Variants in ARHGAP35 observed in about 807,000 individuals in gnomAD.
ARHGAP35 encodes Rho GTPase activating protein 35, also known as rho GTPase-activating protein 35.
In ARHGAP35, 15 loss-of-function variants were observed where a neutral mutation model predicts 111.1. The ratio of observed to expected loss-of-function variants is 0.13; its 90% confidence interval spans 0.09 to 0.21. The LOEUF is 0.21. Among genes scored for constraint, ARHGAP35 ranks in the 10% least tolerant of loss-of-function variants. The probability of loss-of-function intolerance (pLI) is 1.00; values close to 1 mark genes in which losing one functional copy is unlikely to be tolerated. For synonymous variants in ARHGAP35, 643 were observed against 710.3 expected (o/e 0.91, Z 1.51); for missense variants, 1,262 against 1,873.0 (o/e 0.67, Z 6.02).
At chr19:46,997,413 C>T (rs977257042) in intron 5 of ARHGAP35, 1 of 152,226 alleles carries the variant, frequency 6.6e-6, no homozygotes, top group African/African-American at 2.4e-5. Context: ...TGCGGCCTCC[C>T]TTCCCCACAG....
intron 3 of ARHGAP35, among the ~76,000 whole-genome samples, chr19:46,939,250 C>T (rs1472002235): frequency 6.6e-6 from 1 of 152,058 alleles, no homozygotes; most frequent in Non-Finnish European, 1.5e-5. Context: ...CCTGGGATTA[C>T]AGGCGTGAGC....
rs11548675 is a variant in ARHGAP35 at position 46,937,288 on chromosome 19, T to G, written c.3706T>G (p.Ser1236Ala). The G allele has an allele frequency of 1.8e-5, 29 of 1,613,762 alleles. No individual in the cohort carries two copies. The Middle Eastern group carries it at 6.6e-4, about 37-fold the overall frequency. The part of the protein sequence containing the change: ...TKKPKPKPRP[S>A]ITKATWESNY... ...GAAACCAAAGCCCAAACCCCGGCCATCCATCACAAAGGCAACCTGGGAGAG... is the reference window on the plus strand; with the variant it reads ...GAAACCAAAGCCCAAACCCCGGCCAGCCATCACAAAGGCAACCTGGGAGAG... Residue 1236 changes from serine to alanine, a missense_variant, in exon 3 of 7, where the codon TCC becomes GCC. This residue lies in a region of ARHGAP35 where 579 missense variants were observed against 716.9 expected (regional missense o/e 0.81). Coordinates refer to ENST00000672722, the MANE Select transcript of ARHGAP35 (RefSeq NM_004491.5).
At chr19:46,915,929 C>CT (rs869240851) in intron 1 of ARHGAP35, among the ~76,000 whole-genome samples, 2,606 of 113,506 alleles carry the variant, frequency 0.023, 86 homozygotes, top group East Asian at 0.066. Context: ...AATCCAAACT[C>CT]TTTTTTTTTT....
In ARHGAP35 at chr19:46,992,321, G is replaced by A. The variant is rs1396479574; in HGVS notation, c.4036+2646G>A. 6.6e-6 allele frequency among the ~76,000 whole-genome samples: 1 copy of A among 152,198 alleles called. No homozygotes were observed. Among genetic ancestry groups the A allele is most frequent in the Non-Finnish European group, 1.5e-5 (1 of 68,048 alleles). ...GGCAAGCCGGGGCTTGAGTCCCTGC[G>A]TACGTGGGTGCAAATGAAGTTCTCT... is the stretch of plus-strand genomic sequence containing the variant. On this transcript the variant is annotated intron_variant, in intron 5 of 6. Coordinates refer to ENST00000672722, the MANE Select transcript of ARHGAP35 (RefSeq NM_004491.5). The surrounding 1 kb of genome is among the most constrained non-coding windows in gnomAD (Gnocchi z 4.4).
chr19:46,895,340 A>G lies in ARHGAP35; in HGVS notation c.-188-23148A>G, dbSNP rs2056048398. On this transcript the variant is annotated intron_variant, in intron 1 of 6. Coordinates refer to ENST00000672722, the MANE Select transcript of ARHGAP35 (RefSeq NM_004491.5). Reference sequence around the variant, plus strand: ...CACCACGCCCGGCTAATTTTTTTGTATTGTTAGTAGAGGCGGGGTTTCACC... The same window carrying G: ...CACCACGCCCGGCTAATTTTTTTGTGTTGTTAGTAGAGGCGGGGTTTCACC... Among the ~76,000 whole-genome samples the G allele has an allele frequency of 4.0e-5, 6 of 151,898 alleles. No homozygotes were observed. The South Asian group carries it at 1.3e-3, about 32-fold the overall frequency.
Position 46,956,846 on chromosome 19 carries a change from T to C in ARHGAP35, c.3826+19438T>C, listed in dbSNP as rs2056441974. 2.6e-5 allele frequency among the ~76,000 whole-genome samples: 4 copies of C among 152,190 alleles called. No homozygotes were observed. In the South Asian group the frequency reaches 6.2e-4, roughly 24 times the overall value. Reference sequence around the variant, plus strand: ...CATGATGATGATAAGCAGTATTTTATGTATGCATATATCTTCCTACGTTTA... The same window carrying C: ...CATGATGATGATAAGCAGTATTTTACGTATGCATATATCTTCCTACGTTTA... On this transcript the variant is annotated intron_variant, in intron 3 of 6. Coordinates refer to ENST00000672722, the MANE Select transcript of ARHGAP35 (RefSeq NM_004491.5).
chr19:46,995,804 G>A (rs931231530), intron 5 of ARHGAP35, among the ~76,000 whole-genome samples: 1 of 152,246 alleles, frequency 6.6e-6, no homozygotes, highest in Admixed American at 6.5e-5. Flanking sequence ...TCCCCAGAGA[G>A]GCCCTAGAGG....
At chr19:46,977,023 C>T (rs1171827200) in intron 3 of ARHGAP35, among the ~76,000 whole-genome samples, 3 of 152,224 alleles carry the variant, frequency 2.0e-5, no homozygotes, top group Non-Finnish European at 4.4e-5. Context: ...GAACTAACCT[C>T]TTCTCCTCCG....
intron 3 of ARHGAP35, among the ~76,000 whole-genome samples, chr19:46,977,410 T>C (rs1011031319): frequency 2.6e-5 from 4 of 152,374 alleles, no homozygotes; most frequent in Admixed American, 2.0e-4. Flanking sequence ...TCCTCCATGC[T>C]GGCCCCAGTA....
Position 46,992,531 on chromosome 19 carries a change from C to T in ARHGAP35, c.4036+2856C>T, listed in dbSNP as rs2056684789. Among the ~76,000 whole-genome samples, 1 of 152,040 alleles carries T rather than the reference C, an allele frequency of 6.6e-6. No homozygotes were observed. The highest frequency in any genetic ancestry group is 2.4e-5 in the African/African-American group (1 of 41,358). On this transcript the variant is annotated intron_variant, in intron 5 of 6. Coordinates refer to ENST00000672722, the MANE Select transcript of ARHGAP35 (RefSeq NM_004491.5). The surrounding 1 kb of genome is among the most constrained non-coding windows in gnomAD (Gnocchi z 4.4). ...GAGTCGCTCTTGCCTGGTTTCTCCC[C>T]GTCTCTGTGACTCCCTCCTCCCTGC...
In ARHGAP35 at chr19:46,889,459, AAAAAAC is replaced by A. The variant is rs1271790480; in HGVS notation, c.-189+28260_-189+28265del. Among the ~76,000 whole-genome samples the A allele has an allele frequency of 1.9e-4, 29 of 152,254 alleles. No homozygotes were observed. In the Middle Eastern group the frequency reaches 0.01, roughly 54 times the overall value. On this transcript the variant is annotated intron_variant, in intron 1 of 6. Coordinates refer to ENST00000672722, the MANE Select transcript of ARHGAP35 (RefSeq NM_004491.5). ...GGGTGACGAGTGAAACTCCATCTCA[AAAAAAC>A]AAAAACAAAGACAAAGAACCGTTCT... is the stretch of plus-strand genomic sequence containing the variant.
At chr19:46,964,429 AAT>A (rs919309999) in intron 3 of ARHGAP35, among the ~76,000 whole-genome samples, 4 of 147,542 alleles carry the variant, frequency 2.7e-5, no homozygotes, top group African/African-American at 1.0e-4. Context: ...AACTTTTTAA[AAT>A]ATGTTTCGTA....
rs568227505 is a variant in ARHGAP35 at position 46,961,810 on chromosome 19, G to T, written c.3826+24402G>T. Among the ~76,000 whole-genome samples, 3 of 152,152 alleles carry T rather than the reference G, an allele frequency of 2.0e-5. No homozygotes were observed. In the South Asian group the frequency reaches 6.2e-4, roughly 32 times the overall value. On this transcript the variant is annotated intron_variant, in intron 3 of 6. Coordinates refer to ENST00000672722, the MANE Select transcript of ARHGAP35 (RefSeq NM_004491.5). ...CCGGGCGTGGTGGCGCACACCTGTA[G>T]TCCCAACTACTCGGGAGGCTGAGGC...
At position 46,918,010 on chromosome 19, in the gene ARHGAP35, G is replaced by A. The variant is rs1032159902; in HGVS notation, c.-188-478G>A. ...ATTACAGGCGTAAGCTACCACGCCC[G>A]GCCCAGGTTCCTGTTTTTGCAGTGG... On this transcript the variant is annotated intron_variant, in intron 1 of 6. Transcript: ENST00000672722. This position sits in a 1 kb window ranked among gnomAD's most constrained non-coding sequence, Gnocchi z 5.4. Among the ~76,000 whole-genome samples, 2 of 152,242 alleles carry A rather than the reference G, an allele frequency of 1.3e-5. No individual in the cohort carries two copies. Among genetic ancestry groups the A allele is most frequent in the South Asian group, 2.1e-4 (1 of 4,818 alleles).
chr19:46,910,169 G>C (rs2056130467), intron 1 of ARHGAP35, among the ~76,000 whole-genome samples: 2 of 152,160 alleles, frequency 1.3e-5, no homozygotes. Context: ...CTACAGTGCA[G>C]TGATGTGATC....
At chr19:46,878,871 G>T (rs1042704613) in intron 1 of ARHGAP35, among the ~76,000 whole-genome samples, 2 of 152,138 alleles carry the variant, frequency 1.3e-5, no homozygotes, top group Non-Finnish European at 1.5e-5. Context: ...GATGGCTTCT[G>T]ACTCATGGTG....
chr19:46,991,490 C>T (rs2056679009), intron 5 of ARHGAP35, among the ~76,000 whole-genome samples: 1 of 152,248 alleles, frequency 6.6e-6, no homozygotes. Flanking sequence ...AGCTCTCACC[C>T]AGCTTCCACT....
At chr19:46,961,981 G>A (rs1001450113) in intron 3 of ARHGAP35, among the ~76,000 whole-genome samples, 1 of 151,868 alleles carries the variant, frequency 6.6e-6, no homozygotes, top group African/African-American at 2.4e-5. Flanking sequence ...AGAGAGAAAG[G>A]AAGGAAGGAA....
rs964384801 is a variant in ARHGAP35 at position 46,984,554 on chromosome 19, A to G, written c.3827-3435A>G. On this transcript the variant is annotated intron_variant, in intron 3 of 6. Coordinates refer to ENST00000672722, the MANE Select transcript of ARHGAP35 (RefSeq NM_004491.5). ...TTTAATCTTTTTTTAATTGATGTCT[A>G]ATTAGTAGTTACGATAAATTGCACT... 5.3e-5 allele frequency among the ~76,000 whole-genome samples: 8 copies of G among 152,030 alleles called. 1 individual carries two copies. The highest frequency in any genetic ancestry group is 1.9e-4 in the African/African-American group (8 of 41,356).
Sources: gnomAD v4.1 joint callset for allele counts (sites outside exome capture counted in the v4.1 genomes callset) on GRCh38, gnomAD v4.1.1 for gene constraint, gnomAD v4.1.1 regional missense constraint, Gnocchi (gnomAD v3.1) non-coding constraint, MANE v1.5 for transcripts, NCBI Gene and HGNC (gene_info 2026-07-23, HGNC 2026-07-21) for gene names.